C1orf105: variants seen among roughly 807,000 people sequenced by gnomAD.
C1orf105 encodes uncharacterized protein C1orf105.
A neutral mutation model predicts 20.8 loss-of-function variants in C1orf105; 17 were observed. That is an observed-to-expected ratio of 0.82 (90% confidence interval 0.56 to 1.23). The LOEUF (loss-of-function observed/expected upper bound fraction) is 1.23, where lower values mean the gene tolerates loss of function less well. C1orf105 is among the 50% of genes most tolerant of loss of function. C1orf105 has a pLI of 0.00. For missense variants in C1orf105, 219 were observed against 213.5 expected, an observed-to-expected ratio of 1.03 and a Z score of -0.16; for synonymous variants, 72 against 72.1, an observed-to-expected ratio of 1.00 and a Z score of 0.01.
intron 1 of C1orf105, chr1:172,442,532 G>C: frequency 6.2e-7 from 1 of 1,614,074 alleles, no homozygotes; most frequent in Non-Finnish European, 8.5e-7. Context: ...AGGAATCGCC[G>C]GTCCACATAG....
chr1:172,457,322 G>GA (rs1649350487), intron 4 of C1orf105, among the ~76,000 whole-genome samples: 1 of 152,110 alleles, frequency 6.6e-6, no homozygotes, highest in Non-Finnish European at 1.5e-5. Context: ...CTTTGACTTG[G>GA]GGAGGAAGGT....
intron 1 of C1orf105, among the ~76,000 whole-genome samples, chr1:172,429,781 TAG>T (rs1236954316): frequency 2.0e-5 from 3 of 152,066 alleles, no homozygotes; most frequent in Non-Finnish European, 4.4e-5. Context: ...ACAAGCCTTC[TAG>T]TTACATGCCA....
intron 1 of C1orf105, among the ~76,000 whole-genome samples, chr1:172,438,174 T>C (rs1471172679): frequency 1.3e-5 from 2 of 152,210 alleles, no homozygotes; most frequent in Admixed American, 6.5e-5. Flanking sequence ...TTAAAATTTG[T>C]TTCCATGCCT....
intron 5 of C1orf105, among the ~76,000 whole-genome samples, chr1:172,464,880 T>G (rs1269661128): frequency 2.0e-5 from 3 of 152,036 alleles, no homozygotes; most frequent in Non-Finnish European, 4.4e-5. Context: ...AGAGATTACG[T>G]GTGTTTAAAA....
chr1:172,459,465 C>A (rs1424770801), intron 4 of C1orf105, among the ~76,000 whole-genome samples: 1 of 152,052 alleles, frequency 6.6e-6, no homozygotes, highest in Non-Finnish European at 1.5e-5. Flanking sequence ...TGTTGTAAAG[C>A]AAATGCAAAT....
chr1:172,431,971 T>C (rs1404135302), intron 1 of C1orf105, among the ~76,000 whole-genome samples: 2 of 152,240 alleles, frequency 1.3e-5, no homozygotes, highest in Non-Finnish European at 2.9e-5. Flanking sequence ...CCCATGCCCA[T>C]GGGGCCTTGC....
intron 1 of C1orf105, chr1:172,442,620 C>A (rs1191322888): frequency 1.2e-6 from 2 of 1,605,456 alleles, no homozygotes; most frequent in Non-Finnish European, 1.7e-6. Context: ...GTTGAGCATA[C>A]ATTATCCTTT....
chr1:172,423,518 C>T lies in C1orf105; in HGVS notation c.21+2612C>T, dbSNP rs182939803. 8.2e-4 allele frequency among the ~76,000 whole-genome samples: 125 copies of T among 152,112 alleles called. 1 individual carries two copies. The East Asian group carries it at 0.019, about 23-fold the overall frequency. On this transcript the variant is annotated intron_variant, in intron 1 of 6. Transcript: ENST00000367727. ...CCCTTCAAATACCTGGAAAACATTCCGAAGAAGGACAGGTACAAACAAGCC... is the reference window on the plus strand; with the variant it reads ...CCCTTCAAATACCTGGAAAACATTCTGAAGAAGGACAGGTACAAACAAGCC...
intron 3 of C1orf105, chr1:172,453,321 A>G: frequency 8.7e-7 from 1 of 1,148,780 alleles, no homozygotes; most frequent in Non-Finnish European, 1.2e-6. Context: ...AGACTTGGAG[A>G]GTTTATATGA....
chr1:172,457,974 G>A (rs969150317), intron 4 of C1orf105, among the ~76,000 whole-genome samples: 1 of 152,194 alleles, frequency 6.6e-6, no homozygotes, highest in African/African-American at 2.4e-5. Context: ...AGGGACTGCA[G>A]GTCTGCTGTA....
chr1:172,442,355 G>A (rs1647404360), intron 1 of C1orf105: 1 of 1,613,228 alleles, frequency 6.2e-7, no homozygotes, highest in South Asian at 1.1e-5. Context: ...GAAGAAGCCA[G>A]ACCAGTCCCT....
chr1:172,428,959 A>G, intron 1 of C1orf105: 1 of 559,566 alleles, frequency 1.8e-6, no homozygotes, highest in East Asian at 3.1e-5. Context: ...TTTGGGGGAT[A>G]CTGTTGGATA....
At chr1:172,455,955 T>C (rs1054518268) in intron 3 of C1orf105, among the ~76,000 whole-genome samples, 3 of 152,156 alleles carry the variant, frequency 2.0e-5, no homozygotes, top group African/African-American at 7.2e-5. Context: ...AAAAAAGATT[T>C]GCAGAAGAGA....
At chr1:172,467,599 G>T (rs890083414) in intron 6 of C1orf105, among the ~76,000 whole-genome samples, 3 of 152,158 alleles carry the variant, frequency 2.0e-5, no homozygotes, top group African/African-American at 4.8e-5. Flanking sequence ...CTGGGTTCTG[G>T]TTCTTAGTCC....
chr1:172,463,858 T>G (rs1019626930), intron 5 of C1orf105, among the ~76,000 whole-genome samples: 2 of 152,176 alleles, frequency 1.3e-5, no homozygotes, highest in Non-Finnish European at 2.9e-5. Flanking sequence ...TGAGATTGAT[T>G]GTTGTATTCT....
At chr1:172,449,344 C>G (rs972721367) in intron 3 of C1orf105, among the ~76,000 whole-genome samples, 2 of 152,122 alleles carry the variant, frequency 1.3e-5, no homozygotes, top group African/African-American at 4.8e-5. Flanking sequence ...AAACAGGGCA[C>G]AGCACTTGTG....
chr1:172,429,756 G>A (rs12746300), intron 1 of C1orf105, among the ~76,000 whole-genome samples: 1 of 151,906 alleles, frequency 6.6e-6, no homozygotes, highest in Non-Finnish European at 1.5e-5. Flanking sequence ...CAGGCATGTT[G>A]CTACAGCCAG....
chr1:172,452,981 A>G (rs1232333062), intron 3 of C1orf105: 2 of 1,548,432 alleles, frequency 1.3e-6, no homozygotes, highest in Admixed American at 3.9e-5. Flanking sequence ...GAAAAAGACC[A>G]AAGACCTGGG....
chr1:172,447,041 G>A (rs1026650603), intron 2 of C1orf105, among the ~76,000 whole-genome samples: 6 of 152,262 alleles, frequency 3.9e-5, no homozygotes, highest in Non-Finnish European at 5.9e-5. Context: ...AGGACAAGAC[G>A]GGAATGAAAA....
Sources: gnomAD v4.1 joint callset for allele counts (sites outside exome capture counted in the v4.1 genomes callset) on GRCh38, gnomAD v4.1.1 for gene constraint, MANE v1.5 for transcripts, NCBI Gene and HGNC (gene_info 2026-07-23, HGNC 2026-07-21) for gene names.